The following KIAA0586 variants were observed in gnomAD, a reference collection of about 807,000 sequenced individuals.
KIAA0586 encodes protein TALPID3.
In KIAA0586, 144 loss-of-function variants were observed where a neutral mutation model predicts 169.8. The ratio of observed to expected loss-of-function variants is 0.85; its 90% confidence interval spans 0.74 to 0.97. KIAA0586 has a LOEUF of 0.97. Among genes scored for constraint, KIAA0586 ranks in the 50% least tolerant of loss-of-function variants. The probability of loss-of-function intolerance (pLI) is 0.00; values close to 1 mark genes in which losing one functional copy is unlikely to be tolerated. For synonymous variants in KIAA0586, 625 were observed against 612.4 expected (o/e 1.02, Z -0.30); for missense variants, 1,854 against 1,823.0 (o/e 1.02, Z -0.31).
In KIAA0586 at chr14:58,458,557, A is replaced by C. The variant is rs1422815610; in HGVS notation, c.1656+12A>C. The C allele has an allele frequency of 3.5e-6, 5 of 1,428,442 alleles. No individual in the cohort carries two copies. The highest frequency in any genetic ancestry group is 3.8e-6 in the Non-Finnish European group (4 of 1,047,888). 88.5% of individuals were successfully genotyped at this position (1,428,442 alleles called of 1,614,324 possible). A position where few individuals can be genotyped will look rare whatever the true frequency, so the allele number is the denominator to read the frequency against. The stretch of plus-strand genomic sequence containing the variant: ...CTGCAGAAATTCAGGTATGTCTTGG[A>C]AAAAAACTGAAAATTAAGTGAATTC... On this transcript the variant is annotated intron_variant, in intron 12 of 30. Transcript: ENST00000652326.
At chr14:58,454,875 T>C (rs1448521389) in intron 9 of KIAA0586, among the ~76,000 whole-genome samples, 1 of 152,190 alleles carries the variant, frequency 6.6e-6, no homozygotes, top group Non-Finnish European at 1.5e-5. Context: ...TACAGAATTT[T>C]TGGTAGATGT....
At chr14:58,472,155 A>T in intron 17 of KIAA0586, 44 bp from the exon 18 acceptor site, 1 of 981,008 alleles carries the variant, frequency 1.0e-6, no homozygotes, top group Non-Finnish European at 1.5e-6. Context: ...ATAAATTTTA[A>T]AAGTGTTAAG....
downstream of KIAA0586, among the ~76,000 whole-genome samples, chr14:58,553,277 T>A (rs2047228091): frequency 2.0e-5 from 3 of 152,186 alleles, no homozygotes; most frequent in Admixed American, 2.0e-4. Flanking sequence ...TTTGCTAGCA[T>A]TAAGCAGAGG....
At chr14:58,560,294 G>A in the KIAA0586 span, among the ~76,000 whole-genome samples, 1 of 152,188 alleles carries the variant, frequency 6.6e-6, no homozygotes, top group Admixed American at 6.5e-5. Flanking sequence ...TTTCTTGAGT[G>A]AACAAATGAA....
At position 58,490,205 on chromosome 14, in the gene KIAA0586, A is replaced by G. The variant is rs781574468; in HGVS notation, c.3823A>G (p.Ser1275Gly). ...IGLYLTNLND[S>G]LSSTLHDAVE... is the part of the protein sequence containing the mutation. The stretch of plus-strand genomic sequence containing the variant: ...ACTGTACCTGACAAACCTTAATGAT[A>G]GCTTATCCAGCACTCTGCATGATGC... Residue 1275 changes from serine to glycine, a missense_variant, in exon 25 of 31, where the codon AGC (serine) becomes GGC (glycine). By Grantham distance (56) the Ser-to-Gly change is moderately conservative (BLOSUM62 0). Coordinates refer to ENST00000652326, the MANE Select transcript of KIAA0586 (RefSeq NM_001329943.3). 8.4e-6 allele frequency: 13 copies of G among 1,544,128 alleles called. No individual in the cohort carries two copies. The East Asian group carries it at 2.1e-4, about 25-fold the overall frequency.
chr14:58,506,612 G>A (rs1360664674), intron 27 of KIAA0586, among the ~76,000 whole-genome samples: 1 of 151,428 alleles, frequency 6.6e-6, no homozygotes, highest in Non-Finnish European at 1.5e-5. Flanking sequence ...GCTTGAACCC[G>A]GGAGGTGGAG....
intron 29 of KIAA0586, among the ~76,000 whole-genome samples, chr14:58,523,195 T>A (rs530117581): frequency 1.8e-4 from 27 of 152,282 alleles, no homozygotes; most frequent in African/African-American, 4.8e-4. Flanking sequence ...TTCTATAACA[T>A]TTTTACTTGT....
intron 4 of KIAA0586, among the ~76,000 whole-genome samples, chr14:58,436,810 A>G (rs1258480145): frequency 6.6e-6 from 1 of 152,170 alleles, no homozygotes; most frequent in Non-Finnish European, 1.5e-5. Flanking sequence ...ACTTGCCTTA[A>G]TTGATATTAT....
chr14:58,450,617 C>A lies in KIAA0586; in HGVS notation c.1000C>A (p.Gln334Lys). 1.9e-6 allele frequency: 3 copies of A among 1,610,490 alleles called. No individual in the cohort carries two copies. Among genetic ancestry groups the A allele is most frequent in the Non-Finnish European group, 2.5e-6 (3 of 1,178,486 alleles). ...AGTTGAAGATACGAGTTTTGATAAA[C>A]AGAAATCTCCTTTGGAGACACCAGC... ...KEVEDTSFDK[Q>K]KSPLETPAPR... is the part of the protein sequence containing the mutation. The change falls in exon 8 of 31, where the codon CAG becomes AAG. Residue 334 changes from glutamine to lysine, a missense_variant. By Grantham distance (53) the Gln-to-Lys change is moderately conservative. Coordinates refer to ENST00000652326, the MANE Select transcript of KIAA0586 (RefSeq NM_001329943.3).
intron 14 of KIAA0586, among the ~76,000 whole-genome samples, chr14:58,462,099 G>A (rs183742794): frequency 1.3e-5 from 2 of 152,180 alleles, no homozygotes; most frequent in Admixed American, 1.3e-4. Context: ...GGTTCCCTTT[G>A]CTTTCTAAAG....
the KIAA0586 span, among the ~76,000 whole-genome samples, chr14:58,561,713 C>G: frequency 6.6e-6 from 1 of 152,174 alleles, no homozygotes; most frequent in South Asian, 2.1e-4. Context: ...ACTTTAAACT[C>G]AAATTGCATT....
chr14:58,457,898 T>C lies in KIAA0586; in HGVS notation c.1502T>C (p.Leu501Pro), dbSNP rs1180574714. 1 of 1,606,810 alleles carries C rather than the reference T, an allele frequency of 6.2e-7. No homozygotes were observed. Among genetic ancestry groups the C allele is most frequent in the African/African-American group, 1.3e-5 (1 of 74,964 alleles). ...GGAGTACAAAACAATAAAAAAGTAC[T>C]TGAAGAAAACCTGGAAGCTATTATT... ...LRGVQNNKKV[L>P]EENLEAIIRA... The change falls in exon 11 of 31, where the codon CTT (leucine) becomes CCT (proline). Residue 501 changes from leucine to proline, a missense_variant. By Grantham distance (98) the Leu-to-Pro change is moderately conservative. Transcript: ENST00000652326.
chr14:58,449,321 A>G (rs750442632), intron 7 of KIAA0586, among the ~76,000 whole-genome samples: 4 of 152,186 alleles, frequency 2.6e-5, no homozygotes, highest in Non-Finnish European at 5.9e-5. Context: ...GAGTCCAGGA[A>G]TTCGAGACCA....
intron 29 of KIAA0586, 83 bp from the exon 30 acceptor site, chr14:58,539,988 G>C: frequency 1.2e-6 from 1 of 816,738 alleles, no homozygotes; most frequent in Non-Finnish European, 2.0e-6. Context: ...CATTTGGTTT[G>C]TGTTCTTTTA....
In KIAA0586 at chr14:58,534,296, C is replaced by T. The variant is rs527729281; in HGVS notation, c.4430-5775C>T. Among the ~76,000 whole-genome samples, 7 of 152,258 alleles carry T rather than the reference C, an allele frequency of 4.6e-5. No homozygotes were observed. The East Asian group carries it at 1.3e-3, about 29-fold the overall frequency. Reference sequence around the variant, plus strand: ...ATGTTATAATAGTGACCTTCTCTAACAGTCTGTGGCCTGGTATAATATAGG... The same window carrying T: ...ATGTTATAATAGTGACCTTCTCTAATAGTCTGTGGCCTGGTATAATATAGG... On this transcript the variant is annotated intron_variant, in intron 29 of 30. Transcript: ENST00000652326.
In KIAA0586 at chr14:58,511,410, G is replaced by A. The variant is rs564055944; in HGVS notation, c.4324-1112G>A. Among the ~76,000 whole-genome samples the A allele has an allele frequency of 2.5e-3, 377 of 152,258 alleles. 1 individual carries two copies. The highest frequency in any genetic ancestry group is 4.4e-3 in the Non-Finnish European group (300 of 68,000). ...ACTATTATCCCCATTTCATGAATGAGGAAATTGAGGTATTGAGCAGTTAAA... is the reference window on the plus strand; with the variant it reads ...ACTATTATCCCCATTTCATGAATGAAGAAATTGAGGTATTGAGCAGTTAAA... On this transcript the variant is annotated intron_variant, in intron 28 of 30. Coordinates refer to ENST00000652326, the MANE Select transcript of KIAA0586 (RefSeq NM_001329943.3).
intron 27 of KIAA0586, among the ~76,000 whole-genome samples, chr14:58,505,025 G>C (rs1407344274): frequency 6.6e-6 from 1 of 152,064 alleles, no homozygotes; most frequent in South Asian, 2.1e-4. Context: ...AAGCTATTAC[G>C]CACTTTTTGA....
At position 58,498,961 on chromosome 14, in the gene KIAA0586, G is replaced by A. The variant is rs1308473930; in HGVS notation, c.4168+1G>A. The A allele has an allele frequency of 1.3e-6, 2 of 1,587,868 alleles. No individual in the cohort carries two copies. Among genetic ancestry groups the A allele is most frequent in the African/African-American group, 1.3e-5 (1 of 74,586 alleles). On this transcript the variant is annotated splice_donor_variant, in intron 27 of 30. Transcript: ENST00000652326. LOFTEE classifies it high-confidence loss of function. ...TCTCGGCAATTTGACACAGTTTCAG[G>A]TAGACACCAAAATATTTTTTCTTGA... is the stretch of plus-strand genomic sequence containing the variant.
chr14:58,484,950 TTG>T (rs2042338906), intron 21 of KIAA0586, among the ~76,000 whole-genome samples: 2 of 95,408 alleles, frequency 2.1e-5, no homozygotes, highest in African/African-American at 4.0e-5. Flanking sequence ...TTTTTTTTTT[TTG>T]AGATGGAGTT....
Sources: gnomAD v4.1 joint callset for allele counts (sites outside exome capture counted in the v4.1 genomes callset) on GRCh38, gnomAD v4.1.1 for gene constraint, MANE v1.5 for transcripts, NCBI Gene and HGNC (gene_info 2026-07-23, HGNC 2026-07-21) for gene names.